PCDH9: variants seen among roughly 807,000 people sequenced by gnomAD.
PCDH9 encodes protocadherin 9.
In PCDH9, 24 loss-of-function variants were observed where a neutral mutation model predicts 70.6. That is an observed-to-expected ratio of 0.34 (90% CI 0.25 to 0.48). PCDH9 has a LOEUF of 0.48. Ranked by LOEUF, PCDH9 falls within the 20% of genes least tolerant of loss-of-function variation. The pLI is 0.99. For synonymous variants in PCDH9, 562 were observed against 558.5 expected (o/e 1.01, Z -0.09); for missense variants, 1,281 against 1,503.6 (o/e 0.85, Z 2.45).
chr13:66,803,719 G>A (rs2080364190), intron 3 of PCDH9, among the ~76,000 whole-genome samples: 1 of 151,808 alleles, frequency 6.6e-6, no homozygotes, highest in African/African-American at 2.4e-5. Context: ...TTTAGAGACT[G>A]CTCAGTGCAG....
intron 4 of PCDH9, among the ~76,000 whole-genome samples, chr13:66,583,995 A>G (rs9540831): frequency 0.043 from 6,555 of 152,222 alleles, 204 homozygotes; most frequent in Non-Finnish European, 0.065. Flanking sequence ...GTTTTCTCTC[A>G]TGTAAAAAGC....
intron 2 of PCDH9, among the ~76,000 whole-genome samples, chr13:67,096,400 C>A (rs2086320935): frequency 6.6e-6 from 1 of 152,128 alleles, no homozygotes; most frequent in Admixed American, 6.6e-5. Context: ...ATTTTTATTT[C>A]AATCCCATGT....
chr13:66,451,846 T>C (rs1489187796), intron 4 of PCDH9, among the ~76,000 whole-genome samples: 11 of 152,226 alleles, frequency 7.2e-5, no homozygotes, highest in Admixed American at 6.5e-4. Context: ...CACTAGACTG[T>C]TTAGCAACTT....
At chr13:66,773,392 G>A (rs1382852829) in intron 3 of PCDH9, among the ~76,000 whole-genome samples, 1 of 152,098 alleles carries the variant, frequency 6.6e-6, no homozygotes, top group Non-Finnish European at 1.5e-5. Flanking sequence ...ACTTTGGGAG[G>A]CCGGGGCGGG....
intron 4 of PCDH9, among the ~76,000 whole-genome samples, chr13:66,510,104 T>C (rs1270324586): frequency 6.6e-6 from 1 of 152,114 alleles, no homozygotes; most frequent in Non-Finnish European, 1.5e-5. Context: ...AAAATTTCCT[T>C]TCAGGTTTAT....
At chr13:66,869,745 C>A (rs1025156529) in intron 3 of PCDH9, among the ~76,000 whole-genome samples, 1 of 152,114 alleles carries the variant, frequency 6.6e-6, no homozygotes, top group African/African-American at 2.4e-5. Flanking sequence ...ACCTCGTCAA[C>A]AGCACCACGT....
intron 2 of PCDH9, among the ~76,000 whole-genome samples, chr13:67,077,999 T>C (rs907593411): frequency 2.0e-5 from 3 of 152,174 alleles, no homozygotes; most frequent in Non-Finnish European, 4.4e-5. Context: ...TTCAGGCCTC[T>C]CATGTTGTGG....
chr13:66,673,628 G>T (rs2078206795), intron 3 of PCDH9, among the ~76,000 whole-genome samples: 1 of 152,166 alleles, frequency 6.6e-6, no homozygotes, highest in Admixed American at 6.5e-5. Flanking sequence ...CAGAAACTCT[G>T]TGGACACATT....
chr13:66,887,057 AC>A (rs2082017014), intron 3 of PCDH9, among the ~76,000 whole-genome samples: 1 of 151,412 alleles, frequency 6.6e-6, no homozygotes, highest in Admixed American at 6.6e-5. Flanking sequence ...ACACACACAC[AC>A]ACACACACAC....
intron 2 of PCDH9, among the ~76,000 whole-genome samples, chr13:67,144,156 T>A (rs978771532): frequency 1.3e-5 from 2 of 152,166 alleles, no homozygotes; most frequent in Admixed American, 6.5e-5. Flanking sequence ...GAACAGCAAT[T>A]CCCTTTCCTG....
intron 4 of PCDH9, among the ~76,000 whole-genome samples, chr13:66,440,492 TAAC>T (rs576014380): frequency 3.1e-4 from 47 of 152,246 alleles, no homozygotes; most frequent in Admixed American, 2.0e-3. Flanking sequence ...ACTCTACTAA[TAAC>T]AAAATGTTGA....
At chr13:66,460,624 G>C (rs1958405940) in intron 4 of PCDH9, among the ~76,000 whole-genome samples, 2 of 151,916 alleles carry the variant, frequency 1.3e-5, no homozygotes, top group Non-Finnish European at 2.9e-5. Flanking sequence ...TAAGATAGTT[G>C]AATTTAAAGC....
intron 4 of PCDH9, among the ~76,000 whole-genome samples, chr13:66,457,720 T>C (rs1007466868): frequency 6.6e-6 from 1 of 152,058 alleles, no homozygotes; most frequent in Non-Finnish European, 1.5e-5. Flanking sequence ...CACTGAGTTA[T>C]GTTGGGTCAT....
At chr13:66,351,782 A>G (rs1482611285) in intron 4 of PCDH9, among the ~76,000 whole-genome samples, 2 of 152,114 alleles carry the variant, frequency 1.3e-5, no homozygotes, top group East Asian at 3.8e-4. Context: ...CATCCGTATA[A>G]CAATATAAAA....
intron 2 of PCDH9, among the ~76,000 whole-genome samples, chr13:67,004,224 A>G (rs1263210677): frequency 6.6e-6 from 1 of 152,174 alleles, no homozygotes; most frequent in African/African-American, 2.4e-5. Context: ...ATTAATTATC[A>G]GATTCCTTTA....
chr13:67,147,103 C>T (rs2087540636), intron 2 of PCDH9, among the ~76,000 whole-genome samples: 1 of 152,106 alleles, frequency 6.6e-6, no homozygotes, highest in African/African-American at 2.4e-5. Context: ...CCTCATGTAG[C>T]CTACAGCATT....
At chr13:66,507,103 G>T (rs1658995844) in intron 4 of PCDH9, among the ~76,000 whole-genome samples, 1 of 149,660 alleles carries the variant, frequency 6.7e-6, no homozygotes, top group Non-Finnish European at 1.5e-5. Flanking sequence ...ACATTAAAAT[G>T]TCATTACTGA....
chr13:66,356,373 C>T (rs1420652237), intron 4 of PCDH9, among the ~76,000 whole-genome samples: 4 of 152,066 alleles, frequency 2.6e-5, no homozygotes, highest in Non-Finnish European at 2.9e-5. Context: ...AAATCATCAG[C>T]TTCTATAAAT....
chr13:67,121,504 T>C (rs1037648685), intron 2 of PCDH9, among the ~76,000 whole-genome samples: 1 of 152,194 alleles, frequency 6.6e-6, no homozygotes, highest in Non-Finnish European at 1.5e-5. Flanking sequence ...CCTCCCATCA[T>C]ACAGAATAAT....
Sources: gnomAD v4.1 joint callset for allele counts (sites outside exome capture counted in the v4.1 genomes callset) on GRCh38, gnomAD v4.1.1 for gene constraint, MANE v1.5 for transcripts, NCBI Gene and HGNC (gene_info 2026-07-23, HGNC 2026-07-21) for gene names.